Variants in TBX18 observed in about 807,000 individuals in gnomAD.
TBX18 encodes T-box transcription factor TBX18.
TBX18 carries 21 observed loss-of-function variants against 55.0 expected under a neutral mutation model. The observed-to-expected ratio is 0.38, with a 90% CI of 0.27 to 0.55. The LOEUF (loss-of-function observed/expected upper bound fraction) is 0.55. TBX18 is among the 20% of genes least tolerant of loss of function. The pLI, the probability that TBX18 is intolerant of heterozygous loss-of-function variation, is 0.73. For synonymous variants in TBX18, 342 were observed against 326.1 expected, an observed-to-expected ratio of 1.05 and a Z score of -0.53; for missense variants, 840 against 799.6, an observed-to-expected ratio of 1.05 and a Z score of -0.61.
chr6:84,753,439 G>GA (rs56006646), intron 4 of TBX18, among the ~76,000 whole-genome samples: 76,332 of 148,588 alleles, frequency 0.51, 20,682 homozygotes, highest in African/African-American at 0.69. Context: ...ACTGAGAAGA[G>GA]AAAAAAAAAA....
At chr6:84,738,749 A>G (rs565853696) in intron 6 of TBX18, among the ~76,000 whole-genome samples, 158 bp from the exon 7 acceptor site, 1 of 152,316 alleles carries the variant, frequency 6.6e-6, no homozygotes, top group South Asian at 2.1e-4. Context: ...GAAATGCTTC[A>G]GCAATGGGCT....
At chr6:84,744,842 TG>T (rs1268144830) in intron 5 of TBX18, among the ~76,000 whole-genome samples, 2 of 152,180 alleles carry the variant, frequency 1.3e-5, no homozygotes, top group Non-Finnish European at 2.9e-5. Context: ...TTTCTGTCTC[TG>T]TATTTTTCTT....
rs375591537 is a variant in TBX18, at chr6:84,736,963, C to A, written c.1546G>T (p.Gly516Cys). 14 of 1,609,282 alleles carry A rather than the reference C, an allele frequency of 8.7e-6. No homozygotes were observed. The African/African-American group carries it at 1.7e-4, about 20-fold the overall frequency. Residue 516 changes from glycine (G) to cysteine (C), a missense_variant, in exon 8 of 8, where the codon GGT (glycine) becomes TGT (cysteine). Coordinates refer to ENST00000369663, the MANE Select transcript of TBX18 (RefSeq NM_001080508.3). Reference protein sequence around the residue: ...NAFATNQTHQGSYNTFRLHSP... With the variant: ...NAFATNQTHQCSYNTFRLHSP... ...TGTAATCTAAAAGTATTATAGGAACCCTGATGGGTCTGGTTAGTGGCGAAG... is the reference window on the plus strand; with the variant it reads ...TGTAATCTAAAAGTATTATAGGAACACTGATGGGTCTGGTTAGTGGCGAAG...
Position 84,763,985 on chromosome 6 carries a change from G to C in TBX18, c.197C>G (p.Ser66Cys). 6.3e-7 allele frequency: 1 copy of C among 1,581,282 alleles called. No homozygotes were observed. The highest frequency in any genetic ancestry group is 8.6e-7 in the Non-Finnish European group (1 of 1,169,076). The change falls in exon 1 of 8, where the codon TCT (serine) becomes TGT (cysteine). Residue 66 changes from serine (S) to cysteine (C), a missense_variant. By Grantham distance (112) the Ser-to-Cys change is moderately radical. Transcript: ENST00000369663. ...CGCAGCGCCTTCGTCTCCCTCAGAA[G>C]AACCCTTTTCGCCCGCGCCGCCGCC... Reference protein sequence around the residue: ...SRGGGAGEKGSSEGDEGAALP... With the variant: ...SRGGGAGEKGCSEGDEGAALP...
chr6:84,736,517 T>C lies in TBX18; in HGVS notation c.*168A>G, dbSNP rs752586661. 95 of 695,956 alleles carry C rather than the reference T, an allele frequency of 1.4e-4. No individual in the cohort carries two copies. Among genetic ancestry groups the C allele is most frequent in the Non-Finnish European group, 1.8e-4 (82 of 452,572 alleles). The allele number at this position is 695,956 out of a possible 1,614,324, so 43.1% of individuals were successfully genotyped here. A position where few individuals can be genotyped will look rare whatever the true frequency, so the allele number is the denominator to read the frequency against. On this transcript the variant is annotated 3_prime_UTR_variant, in exon 8 of 8. Coordinates refer to ENST00000369663, the MANE Select transcript of TBX18 (RefSeq NM_001080508.3). ...GTATATACAGCATACATATATACCA[T>C]AGATAATTACAATCTCACCATGATA... is the stretch of plus-strand genomic sequence containing the variant.
At position 84,760,280 on chromosome 6, in the gene TBX18, C is replaced by A. The variant is rs201041948; in HGVS notation, c.574G>T (p.Val192Leu). The A allele has an allele frequency of 4.5e-4, 714 of 1,602,876 alleles. 8 individuals carry two copies. The Middle Eastern group carries it at 0.017, about 37-fold the overall frequency. Reference sequence around the variant, plus strand: ...CTGTATCTTTTGTTGTCCACTGGTACAATATCCATGGCAATGTAATATTGC... The same window carrying A: ...CTGTATCTTTTGTTGTCCACTGGTAAAATATCCATGGCAATGTAATATTGC... The part of the protein sequence containing the change: ...HQQYYIAMDI[V>L]PVDNKRYRYV... The change falls in exon 3 of 8, where the codon GTA becomes TTA. Residue 192 changes from valine to leucine, a missense_variant. Coordinates refer to ENST00000369663, the MANE Select transcript of TBX18 (RefSeq NM_001080508.3).
rs1767242841 is a variant in TBX18 at position 84,748,017 on chromosome 6, A to T, written c.842T>A (p.Leu281His). ...HVIRKDCGDD[L>H]SPIKPVPSGE... Reference sequence around the variant, plus strand: ...GGATGGAACAGGCTTGATGGGAGAAAGATCGTCTCCACAGTCTTTACGGAT... The same window carrying T: ...GGATGGAACAGGCTTGATGGGAGAATGATCGTCTCCACAGTCTTTACGGAT... Residue 281 changes from leucine (L) to histidine (H), a missense_variant, in exon 5 of 8, where the codon CTT becomes CAT. Leu to His is a moderately conservative substitution (Grantham distance 99). Transcript: ENST00000369663. 6.2e-7 allele frequency: 1 copy of T among 1,613,466 alleles called. No individual in the cohort carries two copies. Among genetic ancestry groups the T allele is most frequent in the African/African-American group, 1.3e-5 (1 of 74,932 alleles).
chr6:84,762,819 C>T lies in TBX18; in HGVS notation c.293-71G>A, dbSNP rs530857639. ...GGGGAAGCCAGCCGCGGAGACGGGCCCACCTGGTGGCTGAGAAGAGGAAAA... is the reference window on the plus strand; with the variant it reads ...GGGGAAGCCAGCCGCGGAGACGGGCTCACCTGGTGGCTGAGAAGAGGAAAA... On this transcript the variant is annotated intron_variant, in intron 1 of 7. Coordinates refer to ENST00000369663, the MANE Select transcript of TBX18 (RefSeq NM_001080508.3). The T allele has an allele frequency of 2.1e-6, 3 of 1,444,248 alleles. No individual in the cohort carries two copies. The African/African-American group carries it at 4.2e-5, about 20-fold the overall frequency. 89.5% of individuals were successfully genotyped at this position (1,444,248 alleles called of 1,614,324 possible). A position where few individuals can be genotyped will look rare whatever the true frequency, so the allele number is the denominator to read the frequency against.
chr6:84,747,950 G>T lies in TBX18; in HGVS notation c.909C>A (p.Phe303Leu). 1 of 1,613,098 alleles carries T rather than the reference G, an allele frequency of 6.2e-7. No homozygotes were observed. The highest frequency in any genetic ancestry group is 8.5e-7 in the Non-Finnish European group (1 of 1,179,258). ...GATTCTGATAGGCAGTGACGGTTGT[G>T]AAGACAGTTTCTGGAAAGGAGAATG... ...VKAFSFPETVFTTVTAYQNQQ... is the reference protein window; with the variant it reads ...VKAFSFPETVLTTVTAYQNQQ... Residue 303 changes from phenylalanine (F) to leucine (L), a missense_variant, in exon 5 of 8, where the codon TTC becomes TTA. By Grantham distance (22) the Phe-to-Leu change is conservative. Coordinates refer to ENST00000369663, the MANE Select transcript of TBX18 (RefSeq NM_001080508.3).
intron 4 of TBX18, among the ~76,000 whole-genome samples, chr6:84,755,957 A>C (rs1767476231): frequency 6.6e-6 from 1 of 152,188 alleles, no homozygotes; most frequent in Non-Finnish European, 1.5e-5. Flanking sequence ...TATTCTTCGA[A>C]AGGCATTTTA....
chr6:84,744,939 A>C (rs747061423), intron 5 of TBX18, among the ~76,000 whole-genome samples: 41 of 152,150 alleles, frequency 2.7e-4, no homozygotes, highest in Non-Finnish European at 5.4e-4. Flanking sequence ...AGAGCACTAC[A>C]GTGAATGTCT....
rs531656429 is a variant in TBX18 at position 84,752,240 on chromosome 6, T to A, written c.772-4153A>T. ...TCTCATCTGATGAGTCGAAAGAGCC[T>A]GAGATCTGACAGAAAGGCAACTGTG... is the stretch of plus-strand genomic sequence containing the variant. On this transcript the variant is annotated intron_variant, in intron 4 of 7. Transcript: ENST00000369663. Among the ~76,000 whole-genome samples the A allele has an allele frequency of 3.2e-4, 49 of 151,948 alleles. 1 individual carries two copies. In the South Asian group the frequency reaches 0.01, roughly 32 times the overall value.
rs758247782 is a variant in TBX18, at chr6:84,763,923, G to T, written c.259C>A (p.Arg87=). 6.4e-7 allele frequency: 1 copy of T among 1,566,052 alleles called. No individual in the cohort carries two copies. The change falls in exon 1 of 8, where the codon CGG becomes AGG. Residue 87 remains arginine, a synonymous_variant. Transcript: ENST00000369663. ...CCGCGCTCCAGGTCTGCGCCACTCCGAGCCGGCCCAGACGTCGCCCCAGCC... is the reference window on the plus strand; with the variant it reads ...CCGCGCTCCAGGTCTGCGCCACTCCTAGCCGGCCCAGACGTCGCCCCAGCC... The part of the protein sequence containing the change: ...PPAGATSGPA[R]SGADLERGAA...
intron 2 of TBX18, among the ~76,000 whole-genome samples, chr6:84,761,416 T>C (rs1241127977): frequency 1.3e-5 from 2 of 152,222 alleles, no homozygotes; most frequent in Non-Finnish European, 2.9e-5. Context: ...ACCTGTAAGA[T>C]AAAGAGTAAA....
rs774408720 is a variant in TBX18, at chr6:84,748,100, AG to A, written c.772-14del. On this transcript the variant is annotated splice_polypyrimidine_tract_variant and intron_variant, in intron 4 of 7. Transcript: ENST00000369663. ...AATGAAGAATAATCTATATCAAAGA[AG>A]GAAAAGCTGAATTTATCAGAAGCCT... 1 of 1,585,228 alleles carries A rather than the reference AG, an allele frequency of 6.3e-7. No homozygotes were observed. Among genetic ancestry groups the A allele is most frequent in the Non-Finnish European group, 8.6e-7 (1 of 1,159,944 alleles).
In TBX18 at chr6:84,737,040, G is replaced by T. The variant is rs747562979; in HGVS notation, c.1469C>A (p.Ser490Ter). 1 of 1,614,122 alleles carries T rather than the reference G, an allele frequency of 6.2e-7. No homozygotes were observed. Among genetic ancestry groups the T allele is most frequent in the Admixed American group, 1.7e-5 (1 of 60,014 alleles). ...ATACTGGAGCTGGGGGGACATTCCC[G>T]AAATCTGCATGGATAAGCTGGTCTG... ...CPQTSLSMQISGMSPQLQYIM... is the reference protein window; with the variant it reads ...CPQTSLSMQI Residue 490 changes from serine (S) to a stop codon, truncating the protein, a stop_gained, in exon 8 of 8, where the codon TCG (serine) becomes TAG (stop). Coordinates refer to ENST00000369663, the MANE Select transcript of TBX18 (RefSeq NM_001080508.3). LOFTEE classifies it high-confidence loss of function.
intron 4 of TBX18, among the ~76,000 whole-genome samples, chr6:84,754,732 T>C (rs566914157): frequency 5.8e-4 from 88 of 152,328 alleles, no homozygotes; most frequent in Admixed American, 1.4e-3. Context: ...GCCAGGTATT[T>C]ATTAGATGAG....
intron 3 of TBX18, among the ~76,000 whole-genome samples, chr6:84,759,315 C>G (rs928218911): frequency 2.0e-5 from 3 of 151,966 alleles, no homozygotes; most frequent in African/African-American, 7.2e-5. Flanking sequence ...TTCAAAAAAG[C>G]GACTCCTTAA....
chr6:84,763,779 G>A (rs1196108664), intron 1 of TBX18, 111 bp downstream of exon 1: 5 of 1,418,468 alleles, frequency 3.5e-6, no homozygotes, highest in Admixed American at 3.1e-5. Flanking sequence ...ATGCGCTAGT[G>A]GCTGAGTGGC....
Sources: gnomAD v4.1 joint callset for allele counts (sites outside exome capture counted in the v4.1 genomes callset) on GRCh38, gnomAD v4.1.1 for gene constraint, MANE v1.5 for transcripts, NCBI Gene and HGNC (gene_info 2026-07-23, HGNC 2026-07-21) for gene names.